Variants in ARHGEF4 observed in about 807,000 individuals in gnomAD.
ARHGEF4 encodes APC-stimulated guanine nucleotide exchange factor 1.
ARHGEF4 carries 119 observed loss-of-function variants against 162.0 expected under a neutral mutation model. The ratio of observed to expected loss-of-function variants is 0.73; its 90% confidence interval spans 0.63 to 0.86. The LOEUF is 0.86. Among genes scored for constraint, ARHGEF4 ranks in the 40% least tolerant of loss-of-function variants. The pLI, the probability that ARHGEF4 is intolerant of heterozygous loss-of-function variation, is 0.00. For synonymous variants in ARHGEF4, 1,014 were observed against 979.9 expected, an observed-to-expected ratio of 1.03 and a Z score of -0.65; for missense variants, 2,488 against 2,456.0, an observed-to-expected ratio of 1.01 and a Z score of -0.28.
chr2:130,897,806 T>C (rs1474270536), intron 1 of ARHGEF4, among the ~76,000 whole-genome samples: 1 of 152,160 alleles, frequency 6.6e-6, no homozygotes, highest in Non-Finnish European at 1.5e-5. Flanking sequence ...CTTTTCATTT[T>C]TCTAAAATAC....
chr2:130,970,170 G>C (rs1446299260), intron 4 of ARHGEF4, among the ~76,000 whole-genome samples: 1 of 152,158 alleles, frequency 6.6e-6, no homozygotes, highest in Non-Finnish European at 1.5e-5. Context: ...GTGCATTGCT[G>C]GGTTATATGG....
At chr2:131,045,240 C>G in intron 12 of ARHGEF4, 129 bp from the exon 13 acceptor site, 1 of 869,684 alleles carries the variant, frequency 1.1e-6, no homozygotes, top group Non-Finnish European at 1.8e-6. Flanking sequence ...GGCAACAGTC[C>G]CCGCTGTGGC....
intron 1 of ARHGEF4, 131 bp from the exon 2 acceptor site, chr2:130,913,855 C>G (rs1049076529): frequency 1.3e-5 from 15 of 1,116,838 alleles, no homozygotes; most frequent in Non-Finnish European, 1.9e-5. Flanking sequence ...TACCTCCCTT[C>G]CTAGGGGTAC....
intron 3 of ARHGEF4, among the ~76,000 whole-genome samples, chr2:130,935,865 G>C (rs941958861): frequency 6.6e-6 from 1 of 152,182 alleles, no homozygotes; most frequent in Admixed American, 6.6e-5. Context: ...TCAGGAGTTC[G>C]AGACCAGCCT....
intron 1 of ARHGEF4, among the ~76,000 whole-genome samples, chr2:130,841,500 G>A (rs1176484293): frequency 1.3e-5 from 2 of 151,632 alleles, no homozygotes; most frequent in Non-Finnish European, 2.9e-5. Context: ...GTCTCAGCAT[G>A]AGAACATCTT....
chr2:131,001,961 A>C lies in ARHGEF4; in HGVS notation c.3986-25984A>C, dbSNP rs567456612. Among the ~76,000 whole-genome samples the C allele has an allele frequency of 5.3e-5, 8 of 152,316 alleles. No homozygotes were observed. In the South Asian group the frequency reaches 1.7e-3, roughly 32 times the overall value. ...AGCTCCACTGGTAATATTTTGGGAG[A>C]TAAGCAATAAATATGCCAAAATGCT... On this transcript the variant is annotated intron_variant, in intron 4 of 13. Transcript: ENST00000409359.
chr2:131,011,440 G>A (rs968533860), intron 4 of ARHGEF4, among the ~76,000 whole-genome samples: 15 of 152,156 alleles, frequency 9.9e-5, no homozygotes, highest in African/African-American at 3.6e-4. Context: ...GTCAGGGTTG[G>A]TAGGAAAAAG....
rs567233063 is a variant in ARHGEF4, at chr2:130,913,003, C to CT, written c.40-981dup. Among the ~76,000 whole-genome samples the CT allele has an allele frequency of 4.6e-3, 707 of 152,196 alleles. 6 individuals are homozygous for CT. Among genetic ancestry groups the CT allele is most frequent in the African/African-American group, 0.017 (688 of 41,490 alleles). Reference sequence around the variant, plus strand: ...ATTTTTTACTGTGCCTAATTTGTAGCTTACACTTTGTCATAGGTATGCATG... The same window carrying CT: ...ATTTTTTACTGTGCCTAATTTGTAGCTTTACACTTTGTCATAGGTATGCATG... On this transcript the variant is annotated intron_variant, in intron 1 of 13. Transcript: ENST00000409359.
chr2:130,841,209 C>T (rs923080578), intron 1 of ARHGEF4, among the ~76,000 whole-genome samples: 6 of 151,982 alleles, frequency 3.9e-5, no homozygotes, highest in Non-Finnish European at 7.4e-5. Flanking sequence ...GGATTACAGG[C>T]ACGCACCACC....
Position 131,011,652 on chromosome 2 carries a change from C to A in ARHGEF4, c.3986-16293C>A. The A allele has an allele frequency of 2.0e-6, 3 of 1,535,482 alleles. No homozygotes were observed. The South Asian group carries it at 3.6e-5, about 18-fold the overall frequency. ...TCAAAACTGGTTAACTGAGATTGGT[C>A]AAGAGCCCATCGGAGCTGATGGGGG... is the stretch of plus-strand genomic sequence containing the variant. On this transcript the variant is annotated intron_variant, in intron 4 of 13. Transcript: ENST00000409359.
At chr2:130,846,698 A>G (rs539410522) in intron 1 of ARHGEF4, among the ~76,000 whole-genome samples, 1 of 152,254 alleles carries the variant, frequency 6.6e-6, no homozygotes, top group African/African-American at 2.4e-5. Context: ...CTTTAGCAGA[A>G]GGAGGAAGGA....
intron 4 of ARHGEF4, among the ~76,000 whole-genome samples, chr2:130,992,324 G>C: frequency 6.6e-6 from 1 of 151,590 alleles, no homozygotes; most frequent in South Asian, 2.1e-4. Context: ...TTATTCTTTC[G>C]CTCTTTGCAA....
intron 3 of ARHGEF4, among the ~76,000 whole-genome samples, chr2:130,944,199 AT>A (rs2105142972): frequency 1.3e-5 from 2 of 151,954 alleles, no homozygotes; most frequent in African/African-American, 4.8e-5. Flanking sequence ...CTGCTTTAAG[AT>A]TTTTTTCATT....
intron 1 of ARHGEF4, among the ~76,000 whole-genome samples, chr2:130,869,737 T>C (rs900954057): frequency 6.6e-6 from 1 of 152,142 alleles, no homozygotes; most frequent in Non-Finnish European, 1.5e-5. Context: ...AGCTGACATA[T>C]CCGCATTCAG....
intron 1 of ARHGEF4, among the ~76,000 whole-genome samples, chr2:130,904,811 G>C (rs1680712925): frequency 6.6e-6 from 1 of 151,956 alleles, no homozygotes; most frequent in Non-Finnish European, 1.5e-5. Flanking sequence ...AGGCTTGGTG[G>C]CTCATGCCTG....
chr2:130,971,570 A>C (rs1685371494), intron 4 of ARHGEF4, among the ~76,000 whole-genome samples: 1 of 142,934 alleles, frequency 7.0e-6, no homozygotes, highest in Non-Finnish European at 1.5e-5. Flanking sequence ...AGGCAGGAGA[A>C]TTGGTTGAAC....
At chr2:131,039,894 T>A in intron 6 of ARHGEF4, 122 bp from the exon 7 acceptor site, 1 of 1,448,472 alleles carries the variant, frequency 6.9e-7, no homozygotes, top group Non-Finnish European at 9.0e-7. Flanking sequence ...CGGCCAGTCC[T>A]CAGCCCTGCG....
chr2:130,916,504 C>T lies in ARHGEF4; in HGVS notation c.2558C>T (p.Ala853Val), dbSNP rs531922593. The change falls in exon 2 of 14, where the codon GCC (alanine) becomes GTC (valine). Residue 853 changes from alanine to valine, a missense_variant. Ala to Val is a moderately conservative substitution (Grantham distance 64, BLOSUM62 0). Coordinates refer to ENST00000409359, the MANE Select transcript of ARHGEF4 (RefSeq NM_001367493.1). ...GCACCGCCTCTGCACCACGGGGACG[C>T]CAGCGCCTGGCCCGAGTTTGTCCCG... ...RDAPPLHHGD[A>V]SAWPEFVPQA... The T allele has an allele frequency of 4.5e-6, 7 of 1,548,298 alleles. No individual in the cohort carries two copies. In the African/African-American group the frequency reaches 6.8e-5, roughly 15 times the overall value.
At position 130,916,505 on chromosome 2, in the gene ARHGEF4, C is replaced by T. The variant is rs1559038035; in HGVS notation, c.2559C>T (p.Ala853=). Residue 853 remains alanine (A), a synonymous_variant, in exon 2 of 14, where the codon GCC becomes GCT. Coordinates refer to ENST00000409359, the MANE Select transcript of ARHGEF4 (RefSeq NM_001367493.1). ...CACCGCCTCTGCACCACGGGGACGC[C>T]AGCGCCTGGCCCGAGTTTGTCCCGC... The part of the protein sequence containing the change: ...RDAPPLHHGD[A]SAWPEFVPQA... The T allele has an allele frequency of 1.9e-6, 3 of 1,548,542 alleles. No homozygotes were observed. The highest frequency in any genetic ancestry group is 2.6e-6 in the Non-Finnish European group (3 of 1,146,734).
Sources: allele counts gnomAD v4.1 joint callset (sites outside exome capture counted in the v4.1 genomes callset), GRCh38; gene constraint gnomAD v4.1.1; transcripts MANE v1.5; gene names NCBI Gene and HGNC (gene_info 2026-07-23, HGNC 2026-07-21).